The following PID1 variants were observed in gnomAD, a reference collection of about 807,000 sequenced individuals.
The protein encoded by PID1 is PTB-containing, cubilin and LRP1-interacting protein.
A neutral mutation model predicts 19.1 loss-of-function variants in PID1; 10 were observed. The ratio of observed to expected loss-of-function variants is 0.52; its 90% CI spans 0.32 to 0.89. PID1 has a LOEUF of 0.89. Ranked by LOEUF, PID1 falls within the 40% of genes least tolerant of loss-of-function variation. The pLI is 0.03. For missense variants in PID1, 248 were observed against 285.3 expected (o/e 0.87, Z 0.94); for synonymous variants, 130 against 116.0 (o/e 1.12, Z -0.78).
At chr2:229,175,780 C>T (rs1171451509) in intron 1 of PID1, among the ~76,000 whole-genome samples, 2 of 152,214 alleles carry the variant, frequency 1.3e-5, no homozygotes, top group Admixed American at 6.5e-5. Flanking sequence ...TGGTTTTAAA[C>T]AAACTCTCTT....
intron 2 of PID1, among the ~76,000 whole-genome samples, chr2:229,155,154 G>A (rs1690339270): frequency 6.6e-6 from 1 of 152,084 alleles, no homozygotes; most frequent in Admixed American, 6.5e-5. Context: ...GTTTTATTCA[G>A]ATTGAAAGAA....
intron 2 of PID1, among the ~76,000 whole-genome samples, chr2:229,066,790 C>T (rs1694335704): frequency 6.6e-6 from 1 of 151,924 alleles, no homozygotes. Flanking sequence ...AAAGTTTCAT[C>T]ACAGCAAACC....
At chr2:229,109,449 C>G (rs1240746065) in intron 2 of PID1, among the ~76,000 whole-genome samples, 1 of 152,250 alleles carries the variant, frequency 6.6e-6, no homozygotes, top group Admixed American at 6.5e-5. Context: ...GGCTGTGGTG[C>G]GGAATCCCAC....
At chr2:229,046,707 A>T (rs930530508) in intron 2 of PID1, among the ~76,000 whole-genome samples, 15 of 152,170 alleles carry the variant, frequency 9.9e-5, no homozygotes, top group African/African-American at 3.6e-4. Flanking sequence ...CTAGAACCCT[A>T]GATTCAAAGA....
At position 229,151,705 on chromosome 2, in the gene PID1, C is replaced by T. The variant is rs941086217; in HGVS notation, c.177+4113G>A. Reference sequence around the variant, plus strand: ...CCTGCCTCAACCTCCCGAGTAGCTGCGACGACAGGTGCCCACCACCACGCC... The same window carrying T: ...CCTGCCTCAACCTCCCGAGTAGCTGTGACGACAGGTGCCCACCACCACGCC... On this transcript the variant is annotated intron_variant, in intron 2 of 2. Coordinates refer to ENST00000392055, the MANE Select transcript of PID1 (RefSeq NM_001100818.2). 2.6e-5 allele frequency among the ~76,000 whole-genome samples: 4 copies of T among 151,848 alleles called. No individual in the cohort carries two copies. The East Asian group carries it at 7.8e-4, about 30-fold the overall frequency.
chr2:229,227,421 T>G (rs6738963), intron 1 of PID1, among the ~76,000 whole-genome samples: 72,210 of 152,008 alleles, frequency 0.48, 17,652 homozygotes, highest in Non-Finnish European at 0.52. Context: ...CTTATGTCTA[T>G]GCATCTCAAC....
intron 1 of PID1, 147 bp downstream of exon 1, chr2:229,270,867 G>A: frequency 3.1e-6 from 2 of 651,752 alleles, no homozygotes; most frequent in South Asian, 4.5e-5. Context: ...CTGGCGCTGG[G>A]TAAACCGACA....
chr2:229,098,018 G>T (rs1695004113), intron 2 of PID1, among the ~76,000 whole-genome samples: 1 of 152,100 alleles, frequency 6.6e-6, no homozygotes, highest in Non-Finnish European at 1.5e-5. Context: ...TGAGCTTTAG[G>T]TCCAACAAAA....
chr2:229,255,234 T>G (rs907088307), intron 1 of PID1, among the ~76,000 whole-genome samples: 3 of 152,172 alleles, frequency 2.0e-5, no homozygotes, highest in African/African-American at 7.2e-5. Flanking sequence ...TCTAATTCAT[T>G]GTTCTATAGC....
intron 1 of PID1, among the ~76,000 whole-genome samples, chr2:229,213,127 T>C (rs982449253): frequency 1.3e-5 from 2 of 152,166 alleles, no homozygotes; most frequent in Admixed American, 6.5e-5. Flanking sequence ...CAATCCAGGC[T>C]CTGTGACTTA....
chr2:229,231,398 A>G (rs930894357), intron 1 of PID1, among the ~76,000 whole-genome samples: 4 of 152,054 alleles, frequency 2.6e-5, no homozygotes, highest in Admixed American at 2.6e-4. Flanking sequence ...TTTGAAGCAG[A>G]TCCCTTTGCA....
At chr2:229,045,046 C>A (rs1376518477) in intron 2 of PID1, among the ~76,000 whole-genome samples, 1 of 152,016 alleles carries the variant, frequency 6.6e-6, no homozygotes, top group Non-Finnish European at 1.5e-5. Flanking sequence ...CTCTGCCTCC[C>A]AGATTCAAGC....
At chr2:229,040,274 C>T (rs1453909999) in intron 2 of PID1, among the ~76,000 whole-genome samples, 4 of 151,916 alleles carry the variant, frequency 2.6e-5, no homozygotes, top group South Asian at 2.1e-4. Flanking sequence ...CAAAAAAAAT[C>T]GCGGCACTGC....
intron 1 of PID1, among the ~76,000 whole-genome samples, chr2:229,185,113 C>G (rs1206905651): frequency 6.8e-6 from 1 of 146,682 alleles, no homozygotes; most frequent in Non-Finnish European, 1.5e-5. Flanking sequence ...CTATATATAT[C>G]CCATATATAT....
chr2:229,028,893 T>C (rs1693483693), intron 2 of PID1, among the ~76,000 whole-genome samples: 1 of 152,334 alleles, frequency 6.6e-6, no homozygotes, highest in African/African-American at 2.4e-5. Context: ...TTATCAGTTC[T>C]ACTAATAAGT....
Position 229,076,541 on chromosome 2 carries a change from A to G in PID1, c.178-50433T>C, listed in dbSNP as rs139276111. On this transcript the variant is annotated intron_variant, in intron 2 of 2. Coordinates refer to ENST00000392055, the MANE Select transcript of PID1 (RefSeq NM_001100818.2). ...TATTTCTCCTAATGTTATCCCTCCC[A>G]TTGCCTCCCACCCCCCAACAGGCCC... 1.4e-3 allele frequency among the ~76,000 whole-genome samples: 205 copies of G among 151,292 alleles called. 5 individuals carry two copies. The East Asian group carries it at 0.032, about 24-fold the overall frequency.
chr2:229,053,311 T>C (rs1449353175), intron 2 of PID1, among the ~76,000 whole-genome samples: 1 of 152,166 alleles, frequency 6.6e-6, no homozygotes, highest in Non-Finnish European at 1.5e-5. Flanking sequence ...TCAAAAACTA[T>C]AAACTCAGAA....
At chr2:229,044,675 C>T (rs1171994463) in intron 2 of PID1, among the ~76,000 whole-genome samples, 1 of 152,180 alleles carries the variant, frequency 6.6e-6, no homozygotes, top group East Asian at 1.9e-4. Context: ...ATGGCCATCA[C>T]AGCCTCGCTC....
At chr2:229,198,526 T>C (rs1275010010) in intron 1 of PID1, among the ~76,000 whole-genome samples, 1 of 152,080 alleles carries the variant, frequency 6.6e-6, no homozygotes, top group South Asian at 2.1e-4. Flanking sequence ...TTTAACTAGA[T>C]ACCTGAATCA....
Sources: allele counts gnomAD v4.1 joint callset (sites outside exome capture counted in the v4.1 genomes callset), GRCh38; gene constraint gnomAD v4.1.1; transcripts MANE v1.5; gene names NCBI Gene and HGNC (gene_info 2026-07-23, HGNC 2026-07-21).